Variants in BICC1 observed in about 807,000 individuals in gnomAD.
The protein encoded by BICC1 is protein bicaudal C homolog 1.
Under a neutral mutation model 111.0 loss-of-function variants are expected in BICC1, and 43 were observed. The observed-to-expected ratio is 0.39, with a 90% CI of 0.30 to 0.50. The LOEUF is 0.50. BICC1 is among the 20% of genes least tolerant of loss of function. The probability of loss-of-function intolerance (pLI) is 0.88; values close to 1 mark genes in which losing one functional copy is unlikely to be tolerated. For synonymous variants in BICC1, 467 were observed against 434.4 expected, an observed-to-expected ratio of 1.07 and a Z score of -0.93; for missense variants, 1,091 against 1,203.2, an observed-to-expected ratio of 0.91 and a Z score of 1.38.
chr10:58,596,579 A>C (rs540799528), intron 1 of BICC1, among the ~76,000 whole-genome samples: 18 of 152,212 alleles, frequency 1.2e-4, no homozygotes, highest in African/African-American at 3.9e-4. Flanking sequence ...GGCAAGAGAA[A>C]TAAAGCGTAT....
intron 1 of BICC1, among the ~76,000 whole-genome samples, chr10:58,542,347 A>G (rs936252389): frequency 1.3e-5 from 2 of 152,072 alleles, no homozygotes; most frequent in African/African-American, 4.8e-5. Context: ...AGAATGGTAT[A>G]ACCTTATACC....
chr10:58,679,838 A>G (rs762731686), intron 2 of BICC1, among the ~76,000 whole-genome samples: 4 of 152,226 alleles, frequency 2.6e-5, no homozygotes, highest in Non-Finnish European at 5.9e-5. Context: ...CTTATCCACC[A>G]TGATCATGTT....
intron 1 of BICC1, 35 bp downstream of exon 1, chr10:58,513,368 G>T: frequency 6.5e-7 from 1 of 1,537,402 alleles, no homozygotes; most frequent in Non-Finnish European, 8.8e-7. Flanking sequence ...CTCTCCGACT[G>T]AGCCTCTAAC....
rs766500090 is a variant in BICC1 at position 58,828,915 on chromosome 10, G to T, written c.*24G>T. The T allele has an allele frequency of 4.3e-6, 7 of 1,612,296 alleles. No individual in the cohort carries two copies. The highest frequency in any genetic ancestry group is 2.7e-5 in the African/African-American group (2 of 74,848). On this transcript the variant is annotated 3_prime_UTR_variant, in exon 21 of 21. Coordinates refer to ENST00000373886, the MANE Select transcript of BICC1 (RefSeq NM_001080512.3). ...AGCAGCACCCTCTTGGCACATGCCC[G>T]CTGACTAACTGTAAAGTGGACACAG...
intron 2 of BICC1, among the ~76,000 whole-genome samples, chr10:58,661,351 A>G (rs1385207354): frequency 6.6e-6 from 1 of 152,026 alleles, no homozygotes; most frequent in Admixed American, 6.6e-5. Context: ...TAAAGGCATC[A>G]GGCATCCCCT....
At chr10:58,754,747 AG>A (rs559918046) in intron 3 of BICC1, among the ~76,000 whole-genome samples, 26 of 129,676 alleles carry the variant, frequency 2.0e-4, no homozygotes, top group African/African-American at 5.6e-4. Flanking sequence ...CAAACTTGTG[AG>A]GGGGGGTGTG....
At chr10:58,827,872 C>T (rs1005329339) in intron 20 of BICC1, among the ~76,000 whole-genome samples, 1 of 152,188 alleles carries the variant, frequency 6.6e-6, no homozygotes, top group Non-Finnish European at 1.5e-5. Context: ...ATGCCTGAAA[C>T]AGCAAGAGCA....
chr10:58,662,729 T>C (rs1838883218), intron 2 of BICC1, among the ~76,000 whole-genome samples: 1 of 152,208 alleles, frequency 6.6e-6, no homozygotes, highest in African/African-American at 2.4e-5. Flanking sequence ...CAGTTTCATA[T>C]AGTTCATCCT....
At chr10:58,655,822 G>T (rs796625850) in intron 2 of BICC1, among the ~76,000 whole-genome samples, 58 of 147,334 alleles carry the variant, frequency 3.9e-4, no homozygotes, top group African/African-American at 1.2e-3. Flanking sequence ...CTGTGGGTTT[G>T]TCATAGATAG....
At chr10:58,534,271 ACT>A (rs1842767186) in intron 1 of BICC1, among the ~76,000 whole-genome samples, 1 of 151,678 alleles carries the variant, frequency 6.6e-6, no homozygotes, top group Non-Finnish European at 1.5e-5. Flanking sequence ...AATGCTCTGA[ACT>A]TTTTTTTCAA....
At chr10:58,806,766 T>C (rs1013803929) in intron 16 of BICC1, 143 bp downstream of exon 16, 1 of 824,298 alleles carries the variant, frequency 1.2e-6, no homozygotes, top group East Asian at 2.6e-5. Flanking sequence ...TACATTCTGT[T>C]GAATATATTT....
chr10:58,593,455 C>G (rs2132046922), intron 1 of BICC1, among the ~76,000 whole-genome samples: 1 of 152,256 alleles, frequency 6.6e-6, no homozygotes, highest in East Asian at 1.9e-4. Context: ...GGAGACACCT[C>G]CCAGTAGGGG....
At chr10:58,560,870 G>A (rs1280355492) in intron 1 of BICC1, among the ~76,000 whole-genome samples, 1 of 151,840 alleles carries the variant, frequency 6.6e-6, no homozygotes, top group Non-Finnish European at 1.5e-5. Flanking sequence ...AGTTTCCAAA[G>A]TTCTTATTTA....
At chr10:58,575,394 A>C (rs1844081590) in intron 1 of BICC1, among the ~76,000 whole-genome samples, 1 of 152,162 alleles carries the variant, frequency 6.6e-6, no homozygotes. Flanking sequence ...CCTAATTGCC[A>C]GCCCTGAGAA....
chr10:58,565,322 A>G (rs1843722550), intron 1 of BICC1, among the ~76,000 whole-genome samples: 1 of 152,162 alleles, frequency 6.6e-6, no homozygotes, highest in East Asian at 1.9e-4. Flanking sequence ...CCTCATCTCT[A>G]AAGACTTGCA....
At chr10:58,803,345 C>T in intron 15 of BICC1, 103 bp downstream of exon 15, 1 of 989,296 alleles carries the variant, frequency 1.0e-6, no homozygotes, top group Non-Finnish European at 1.4e-6. Context: ...TTAGGTTTTC[C>T]TTCTGTGCTA....
chr10:58,579,323 CT>C (rs1313243572), intron 1 of BICC1, among the ~76,000 whole-genome samples: 1 of 152,208 alleles, frequency 6.6e-6, no homozygotes, highest in Non-Finnish European at 1.5e-5. Flanking sequence ...TTGGGTTATG[CT>C]GCTTACGTAA....
At chr10:58,565,830 T>C (rs1054816906) in intron 1 of BICC1, among the ~76,000 whole-genome samples, 6 of 152,270 alleles carry the variant, frequency 3.9e-5, no homozygotes, top group South Asian at 4.1e-4. Flanking sequence ...ATCCTTTATT[T>C]CCATAGGTTT....
At chr10:58,734,847 C>G (rs1196136955) in intron 3 of BICC1, among the ~76,000 whole-genome samples, 1 of 152,148 alleles carries the variant, frequency 6.6e-6, no homozygotes, top group African/African-American at 2.4e-5. Flanking sequence ...AGGCTGGGTA[C>G]TCTATGGTAT....
Sources: gnomAD v4.1 joint callset for allele counts (sites outside exome capture counted in the v4.1 genomes callset) on GRCh38, gnomAD v4.1.1 for gene constraint, MANE v1.5 for transcripts, NCBI Gene and HGNC (gene_info 2026-07-23, HGNC 2026-07-21) for gene names.